TCF24: variants seen among roughly 807,000 people sequenced by gnomAD.
TCF24 encodes transcription factor 24.
A neutral mutation model predicts 9.3 loss-of-function variants in TCF24; 5 were observed. That is an observed-to-expected ratio of 0.54 (90% CI 0.28 to 1.13). The LOEUF (loss-of-function observed/expected upper bound fraction) is 1.13. TCF24 is among the 50% of genes most tolerant of loss of function. The probability of loss-of-function intolerance (pLI) is 0.09; values close to 1 mark genes in which losing one functional copy is unlikely to be tolerated. For missense variants in TCF24, 220 were observed against 236.1 expected (o/e 0.93, Z 0.45); for synonymous variants, 110 against 115.8 (o/e 0.95, Z 0.32).
chr8:66,955,267 G>A (rs984723871), intron 3 of TCF24: 3 of 151,988 alleles, frequency 2.0e-5, no homozygotes, highest in African/African-American at 7.3e-5. Context: ...CATATTACAT[G>A]AGTAGTTCTT....
intron 3 of TCF24, among the ~76,000 whole-genome samples, chr8:66,953,680 C>G (rs1000552692): frequency 6.6e-6 from 1 of 152,088 alleles, no homozygotes; most frequent in South Asian, 2.1e-4. Flanking sequence ...GGATAATATC[C>G]TGCAGAGTGT....
At chr8:66,950,666 G>A (rs371590653) in intron 3 of TCF24, among the ~76,000 whole-genome samples, 3,711 of 152,208 alleles carry the variant, frequency 0.024, 136 homozygotes, top group African/African-American at 0.083. Flanking sequence ...CACTGAATCT[G>A]TAAATTACCT....
chr8:66,948,152 G>C lies in TCF24; in HGVS notation c.403C>G (p.Arg135Gly). Residue 135 changes from arginine (R) to glycine (G), a missense_variant, in exon 4 of 4, where the codon CGA (arginine) becomes GGA (glycine). Transcript: ENST00000563496. Reference sequence around the variant, plus strand: ...GTAGCACCGATGTACAATCTTGATCGCATGGGCCATTTCTGAAAAAGATTA... The same window carrying C: ...GTAGCACCGATGTACAATCTTGATCCCATGGGCCATTTCTGAAAAAGATTA... ...YLHPVKKWPM[R>G]SRLYIGATGQ... is the part of the protein sequence containing the mutation. 1 of 1,528,684 alleles carries C rather than the reference G, an allele frequency of 6.5e-7. No individual in the cohort carries two copies. The highest frequency in any genetic ancestry group is 1.2e-5 in the South Asian group (1 of 82,110). 94.7% of individuals were successfully genotyped at this position (1,528,684 alleles called of 1,614,324 possible).
At chr8:66,950,725 A>G (rs1227766066) in intron 3 of TCF24, among the ~76,000 whole-genome samples, 1 of 152,154 alleles carries the variant, frequency 6.6e-6, no homozygotes, top group South Asian at 2.1e-4. Context: ...ACCCATGAGC[A>G]TGGAATGTTC....
intron 3 of TCF24, among the ~76,000 whole-genome samples, chr8:66,958,021 A>G (rs1045266383): frequency 2.0e-5 from 3 of 151,538 alleles, no homozygotes; most frequent in African/African-American, 4.8e-5. Flanking sequence ...CTAAAATTGT[A>G]TATGTGAAAT....
intron 3 of TCF24, among the ~76,000 whole-genome samples, chr8:66,956,647 C>A (rs1188843312): frequency 2.6e-5 from 4 of 152,176 alleles, no homozygotes; most frequent in Non-Finnish European, 5.9e-5. Flanking sequence ...ACAGTGTAAG[C>A]CACCACGCCC....
At position 66,961,493 on chromosome 8, in the gene TCF24, C is replaced by T. The variant is rs1360035193; in HGVS notation, c.273G>A (p.Leu91=). 1 of 1,527,424 alleles carries T rather than the reference C, an allele frequency of 6.5e-7. No individual in the cohort carries two copies. The highest frequency in any genetic ancestry group is 8.7e-7 in the Non-Finnish European group (1 of 1,143,750). 94.6% of individuals were successfully genotyped at this position (1,527,424 alleles called of 1,614,324 possible). Residue 91 remains leucine (L), a synonymous_variant, in exon 3 of 4, where the codon CTG becomes CTA. Transcript: ENST00000563496. ...PDTKLSKLDV[L]LLATTYIAHL... The stretch of plus-strand genomic sequence containing the variant: ...GCGCGATGTAGGTGGTGGCCAGCAG[C>T]AGCACGTCCAGCTTGGACAGCTTGG...
rs1014960962 is a variant in TCF24, at chr8:66,961,620, C to T, written c.146G>A (p.Arg49Gln). The change falls in exon 3 of 4, where the codon CGG (arginine) becomes CAG (glutamine). Residue 49 changes from arginine to glutamine, a missense_variant. Arg to Gln is a conservative substitution (Grantham distance 43). Coordinates refer to ENST00000563496, the MANE Select transcript of TCF24 (RefSeq NM_001193502.2). ...CCGCGCCGCATTCGCCGCCGCCGGC[C>T]GCCCGCTCCCGGAACGCGAGCCGCC... ...PGGGSRSGSG[R>Q]PAAANAARER... 2 of 1,277,062 alleles carry T rather than the reference C, an allele frequency of 1.6e-6. No individual in the cohort carries two copies. Among genetic ancestry groups the T allele is most frequent in the African/African-American group, 1.5e-5 (1 of 64,862 alleles). The allele number at this position is 1,277,062 out of a possible 1,614,324, so 79.1% of individuals were successfully genotyped here. A position where few individuals can be genotyped will look rare whatever the true frequency, so the allele number is the denominator to read the frequency against.
Position 66,961,399 on chromosome 8 carries a change from C to G in TCF24, c.367G>C (p.Asp123His). Residue 123 changes from aspartate (D) to histidine (H), a missense_variant, in exon 3 of 4, where the codon GAT becomes CAT. Transcript: ENST00000563496. ...ADAGLGALRGDGYLHPVKKWP... is the reference protein window; with the variant it reads ...ADAGLGALRGHGYLHPVKKWP... ...ACCTTGACCGGGTGCAGGTAGCCAT[C>G]GCCGCGCAGGGCGCCCAACCCGGCG... 6.6e-7 allele frequency: 1 copy of G among 1,506,542 alleles called. No homozygotes were observed. Among genetic ancestry groups the G allele is most frequent in the Non-Finnish European group, 8.8e-7 (1 of 1,134,046 alleles). The allele number at this position is 1,506,542 out of a possible 1,614,324, so 93.3% of individuals were successfully genotyped here.
chr8:66,961,350 C>A (rs1020265030), intron 3 of TCF24, 26 bp downstream of exon 3: 1 of 1,432,024 alleles, frequency 7.0e-7, no homozygotes, highest in Non-Finnish European at 9.1e-7. Context: ...TCGGCCCCAG[C>A]CCCGCGGTGC....
Position 66,961,392 on chromosome 8 carries a change from T to A in TCF24, c.374A>T (p.Tyr125Phe). 1.3e-6 allele frequency: 2 copies of A among 1,502,896 alleles called. No homozygotes were observed. The highest frequency in any genetic ancestry group is 1.8e-6 in the Non-Finnish European group (2 of 1,132,286). 93.1% of individuals were successfully genotyped at this position (1,502,896 alleles called of 1,614,324 possible). A position where few individuals can be genotyped will look rare whatever the true frequency, so the allele number is the denominator to read the frequency against. The change falls in exon 3 of 4, where the codon TAC becomes TTC. Residue 125 changes from tyrosine (Y) to phenylalanine (F), a missense_variant. By Grantham distance (22) the Tyr-to-Phe change is conservative. Coordinates refer to ENST00000563496, the MANE Select transcript of TCF24 (RefSeq NM_001193502.2). The part of the protein sequence containing the change: ...AGLGALRGDG[Y>F]LHPVKKWPMR... ...CCCGCTTACCTTGACCGGGTGCAGGTAGCCATCGCCGCGCAGGGCGCCCAA... is the reference window on the plus strand; with the variant it reads ...CCCGCTTACCTTGACCGGGTGCAGGAAGCCATCGCCGCGCAGGGCGCCCAA...
At chr8:66,948,718 C>T (rs543820971) in intron 3 of TCF24, among the ~76,000 whole-genome samples, 11 of 142,874 alleles carry the variant, frequency 7.7e-5, no homozygotes, top group African/African-American at 2.4e-4. Context: ...TTTTTTGAGA[C>T]GGAGTCTCGC....
intron 3 of TCF24, among the ~76,000 whole-genome samples, chr8:66,953,916 G>T (rs1309278573): frequency 1.3e-5 from 2 of 151,138 alleles, no homozygotes; most frequent in Non-Finnish European, 2.9e-5. Context: ...CATTCTTCAC[G>T]TAGTTCTCGA....
At chr8:66,960,634 G>A (rs1431038974) in intron 3 of TCF24, among the ~76,000 whole-genome samples, 1 of 152,196 alleles carries the variant, frequency 6.6e-6, no homozygotes, top group African/African-American at 2.4e-5. Flanking sequence ...CATGTTAAGT[G>A]AAAACTGTGA....
intron 3 of TCF24, among the ~76,000 whole-genome samples, chr8:66,956,297 A>G (rs1457973210): frequency 6.6e-6 from 1 of 151,844 alleles, no homozygotes; most frequent in African/African-American, 2.4e-5. Context: ...ATTCCTATAC[A>G]TTCTAGGTGT....
chr8:66,958,751 T>C (rs889203415), intron 3 of TCF24, among the ~76,000 whole-genome samples: 2 of 152,184 alleles, frequency 1.3e-5, no homozygotes, highest in African/African-American at 2.4e-5. Context: ...TTACCTATCA[T>C]AGACAATGAT....
chr8:66,961,720 C>T lies in TCF24; in HGVS notation c.46G>A (p.Glu16Lys), dbSNP rs1446195358. 1.1e-5 allele frequency: 12 copies of T among 1,103,722 alleles called. No individual in the cohort carries two copies. The East Asian group carries it at 4.9e-4, about 45-fold the overall frequency. 68.4% of individuals were successfully genotyped at this position (1,103,722 alleles called of 1,614,324 possible). A position where few individuals can be genotyped will look rare whatever the true frequency, so the allele number is the denominator to read the frequency against. ...PAGSPLSASAEPAPLAAAIRD... is the reference protein window; with the variant it reads ...PAGSPLSASAKPAPLAAAIRD... The stretch of plus-strand genomic sequence containing the variant: ...ATGGCGGCGGCCAGGGGCGCGGGCT[C>T]GGCGCTGGCGCTGAGGGGGCTGCCC... Residue 16 changes from glutamate (E) to lysine (K), a missense_variant, in exon 3 of 4, where the codon GAG becomes AAG. Coordinates refer to ENST00000563496, the MANE Select transcript of TCF24 (RefSeq NM_001193502.2).
intron 3 of TCF24, among the ~76,000 whole-genome samples, chr8:66,949,465 T>C (rs1408643444): frequency 6.6e-6 from 1 of 152,236 alleles, no homozygotes; most frequent in Non-Finnish European, 1.5e-5. Flanking sequence ...TAGTATTCCA[T>C]GGTGTATATG....
At position 66,953,216 on chromosome 8, in the gene TCF24, T is replaced by C. The variant is rs561645082; in HGVS notation, c.391-5052A>G. On this transcript the variant is annotated intron_variant, in intron 3 of 3. Coordinates refer to ENST00000563496, the MANE Select transcript of TCF24 (RefSeq NM_001193502.2). ...CGATGATCTTTACATTTTGACATGA[T>C]TTTGCAGCGGCTGGTACCGGTTGTT... Among the ~76,000 whole-genome samples, 14 of 152,326 alleles carry C rather than the reference T, an allele frequency of 9.2e-5. No individual in the cohort carries two copies. In the South Asian group the frequency reaches 2.7e-3, roughly 29 times the overall value.
Sources: gnomAD v4.1 joint callset for allele counts (sites outside exome capture counted in the v4.1 genomes callset) on GRCh38, gnomAD v4.1.1 for gene constraint, MANE v1.5 for transcripts, NCBI Gene and HGNC (gene_info 2026-07-23, HGNC 2026-07-21) for gene names.